Variants in CACNA2D1 observed in about 807,000 individuals in gnomAD.
CACNA2D1 encodes the protein calcium voltage-gated channel auxiliary subunit alpha2delta 1, also known as voltage-dependent calcium channel subunit alpha-2/delta-1.
A neutral mutation model predicts 171.5 loss-of-function variants in CACNA2D1; 53 were observed. The observed-to-expected ratio is 0.31, with a 90% confidence interval of 0.25 to 0.39. The LOEUF is 0.39. Among genes scored for constraint, CACNA2D1 ranks in the 10% least tolerant of loss-of-function variants. The pLI, the probability that CACNA2D1 is intolerant of heterozygous loss-of-function variation, is 1.00. For synonymous variants in CACNA2D1, 442 were observed against 443.1 expected (o/e 1.00, Z 0.03); for missense variants, 903 against 1,299.8 (o/e 0.69, Z 4.69).
At chr7:82,251,001 AT>A (rs1805566547) in intron 3 of CACNA2D1, among the ~76,000 whole-genome samples, 2 of 152,178 alleles carry the variant, frequency 1.3e-5, no homozygotes. Flanking sequence ...ATTTGAATAA[AT>A]AAAGCCAAAA....
intron 6 of CACNA2D1, among the ~76,000 whole-genome samples, chr7:82,114,760 G>GAAAAAAAAAAAAAA (rs34240770): frequency 5.8e-5 from 6 of 103,096 alleles, no homozygotes; most frequent in African/African-American, 6.7e-5. Context: ...CGTCCCAGAA[G>GAAAAAAAAAAAAAA]AAAAAAAAAA....
chr7:82,270,776 C>T (rs2129349613), intron 3 of CACNA2D1, among the ~76,000 whole-genome samples: 1 of 152,214 alleles, frequency 6.6e-6, no homozygotes, highest in Admixed American at 6.5e-5. Flanking sequence ...TACACAGACT[C>T]TTTCAAAGTC....
intron 2 of CACNA2D1, among the ~76,000 whole-genome samples, chr7:82,336,242 C>T (rs190458029): frequency 5.3e-5 from 8 of 152,298 alleles, no homozygotes; most frequent in African/African-American, 1.9e-4. Flanking sequence ...TGCTTTACTA[C>T]CAACAGGTTC....
In CACNA2D1 at chr7:82,363,254, C is replaced by CTTTTTTTTTTTTTTT. The variant is rs35419275; in HGVS notation, c.96-13620_96-13606dup. Among the ~76,000 whole-genome samples the CTTTTTTTTTTTTTTT allele has an allele frequency of 8.5e-4, 54 of 63,432 alleles. 10 individuals carry two copies. Among genetic ancestry groups the CTTTTTTTTTTTTTTT allele is most frequent in the African/African-American group, 3.9e-3 (46 of 11,946 alleles). 41.6% of individuals were successfully genotyped at this position (63,432 alleles called of 152,430 possible). A position where few individuals can be genotyped will look rare whatever the true frequency, so the allele number is the denominator to read the frequency against. On this transcript the variant is annotated intron_variant, in intron 1 of 38. Transcript: ENST00000356860. The stretch of plus-strand genomic sequence containing the variant: ...CTACCATAGTTTTATTTATTTGTCT[C>CTTTTTTTTTTTTTTT]TTTTTTTTTTTTTTTTTTTTTTTTT...
intron 3 of CACNA2D1, among the ~76,000 whole-genome samples, chr7:82,189,254 T>C (rs1798063335): frequency 1.3e-5 from 2 of 152,024 alleles, no homozygotes; most frequent in African/African-American, 4.8e-5. Context: ...AGTATTCCAT[T>C]CTTCTTCAAA....
At chr7:81,952,526 C>G (rs1195442981) in intron 38 of CACNA2D1, among the ~76,000 whole-genome samples, 3 of 152,060 alleles carry the variant, frequency 2.0e-5, no homozygotes, top group African/African-American at 7.2e-5. Flanking sequence ...AGTCTTCATC[C>G]TCTTTGACCT....
intron 3 of CACNA2D1, among the ~76,000 whole-genome samples, chr7:82,240,950 G>C (rs1424761986): frequency 2.0e-5 from 3 of 151,062 alleles, no homozygotes; most frequent in African/African-American, 7.3e-5. Flanking sequence ...CTGGGCGACA[G>C]AGCAAGACTC....
intron 3 of CACNA2D1, among the ~76,000 whole-genome samples, chr7:82,303,934 G>A (rs1813370155): frequency 6.6e-6 from 1 of 152,006 alleles, no homozygotes; most frequent in South Asian, 2.1e-4. Context: ...ACCTATTGAA[G>A]GGGAGAAAAT....
chr7:82,205,935 T>C (rs947053211), intron 3 of CACNA2D1, among the ~76,000 whole-genome samples: 1 of 152,136 alleles, frequency 6.6e-6, no homozygotes, highest in African/African-American at 2.4e-5. Flanking sequence ...AACTTAAAAA[T>C]TTTTTTGTTA....
chr7:82,437,234 T>C (rs946720585), intron 1 of CACNA2D1, among the ~76,000 whole-genome samples: 2 of 152,150 alleles, frequency 1.3e-5, no homozygotes, highest in African/African-American at 4.8e-5. Context: ...ATTATATGCA[T>C]GTGTATGAAA....
At chr7:82,343,653 T>C in intron 2 of CACNA2D1, among the ~76,000 whole-genome samples, 1 of 152,334 alleles carries the variant, frequency 6.6e-6, no homozygotes, top group Middle Eastern at 3.4e-3. Flanking sequence ...TTTTTGTTGT[T>C]GTCGTTGTTT....
chr7:82,053,632 T>G (rs1805477860), intron 10 of CACNA2D1, among the ~76,000 whole-genome samples: 2 of 152,164 alleles, frequency 1.3e-5, no homozygotes, highest in African/African-American at 2.4e-5. Flanking sequence ...CTGAAACCAG[T>G]AATACGTATC....
At chr7:82,170,455 A>C (rs1205228608) in intron 4 of CACNA2D1, 95 bp downstream of exon 4, 2 of 979,962 alleles carry the variant, frequency 2.0e-6, no homozygotes, top group Non-Finnish European at 3.3e-6. Flanking sequence ...CAACATCATA[A>C]GATTCCATCA....
intron 3 of CACNA2D1, among the ~76,000 whole-genome samples, chr7:82,174,081 C>T (rs1261168572): frequency 7.7e-6 from 1 of 130,196 alleles, no homozygotes; most frequent in African/African-American, 3.1e-5. Context: ...CACAAAATAC[C>T]CAATAAAATG....
At chr7:82,353,604 A>G (rs1820092254) in intron 1 of CACNA2D1, among the ~76,000 whole-genome samples, 1 of 152,114 alleles carries the variant, frequency 6.6e-6, no homozygotes, top group African/African-American at 2.4e-5. Flanking sequence ...AAGAACAAAT[A>G]GAGGAACCTG....
chr7:82,217,390 C>CATATATATAT (rs1199331212), intron 3 of CACNA2D1, among the ~76,000 whole-genome samples: 3 of 54,446 alleles, frequency 5.5e-5, no homozygotes, highest in African/African-American at 2.6e-4. Flanking sequence ...CACACACACA[C>CATATATATAT]ATACATATAT....
chr7:82,370,970 A>C (rs1585691493), intron 1 of CACNA2D1, among the ~76,000 whole-genome samples: 1 of 152,340 alleles, frequency 6.6e-6, no homozygotes, highest in East Asian at 1.9e-4. Context: ...ATGTAAAAAA[A>C]TAAATATCTG....
chr7:82,002,880 C>CAA (rs940539693), intron 18 of CACNA2D1, among the ~76,000 whole-genome samples: 106 of 136,656 alleles, frequency 7.8e-4, no homozygotes, highest in African/African-American at 2.7e-3. Flanking sequence ...TCATCTTCTA[C>CAA]AAAAAAAAAA....
chr7:81,980,275 A>T (rs138495804), intron 24 of CACNA2D1, among the ~76,000 whole-genome samples: 74 of 150,838 alleles, frequency 4.9e-4, no homozygotes, highest in African/African-American at 1.7e-3. Flanking sequence ...TTTCCCTGAC[A>T]GGGCCATGTA....
Sources: allele counts gnomAD v4.1 joint callset (sites outside exome capture counted in the v4.1 genomes callset), GRCh38; gene constraint gnomAD v4.1.1; transcripts MANE v1.5; gene names NCBI Gene and HGNC (gene_info 2026-07-23, HGNC 2026-07-21).